LMO7: variants seen among roughly 807,000 people sequenced by gnomAD.
LMO7 encodes LIM domain only protein 7.
LMO7 carries 120 observed loss-of-function variants against 206.5 expected under a neutral mutation model. That is an observed-to-expected ratio of 0.58 (90% CI 0.50 to 0.68). LMO7 has a LOEUF of 0.68. Ranked by LOEUF, LMO7 falls within the 30% of genes least tolerant of loss-of-function variation. LMO7 has a pLI of 0.00. For missense variants in LMO7, 1,959 were observed against 1,957.9 expected, an observed-to-expected ratio of 1.00 and a Z score of -0.01; for synonymous variants, 706 against 681.5, an observed-to-expected ratio of 1.04 and a Z score of -0.56.
chr13:75,690,680 T>C (rs949035874), intron 1 of LMO7, among the ~76,000 whole-genome samples: 1 of 152,218 alleles, frequency 6.6e-6, no homozygotes, highest in East Asian at 1.9e-4. Context: ...AAAGCTTATA[T>C]TCCAGTAAAA....
At position 75,734,486 on chromosome 13, in the gene LMO7, C is replaced by G. The variant is rs374239024; in HGVS notation, c.210+7388C>G. Reference sequence around the variant, plus strand: ...TGCTGTTTATAGTGCATTCAGGAAGCTTCTGTTTGACCATTCATGTGTTTA... The same window carrying G: ...TGCTGTTTATAGTGCATTCAGGAAGGTTCTGTTTGACCATTCATGTGTTTA... On this transcript the variant is annotated intron_variant, in intron 3 of 30. Transcript: ENST00000377534. Among the ~76,000 whole-genome samples, 19 of 152,252 alleles carry G rather than the reference C, an allele frequency of 1.2e-4. 1 individual carries two copies. In the South Asian group the frequency reaches 3.9e-3, roughly 32 times the overall value.
chr13:75,840,143 G>A (rs748952581), intron 21 of LMO7, 33 bp downstream of exon 21: 1 of 1,608,098 alleles, frequency 6.2e-7, no homozygotes, highest in Non-Finnish European at 8.5e-7. Flanking sequence ...TTGGAATAAG[G>A]TGAACTTGGT....
intron 3 of LMO7, among the ~76,000 whole-genome samples, chr13:75,737,797 A>AAAC (rs2046033962): frequency 1.5e-5 from 2 of 134,412 alleles, no homozygotes; most frequent in Non-Finnish European, 3.2e-5. Flanking sequence ...AAAAAAAAAA[A>AAAC]AAAACTTTTT....
intron 1 of LMO7, among the ~76,000 whole-genome samples, chr13:75,652,312 C>G (rs759468838): frequency 6.6e-6 from 1 of 152,146 alleles, no homozygotes; most frequent in Non-Finnish European, 1.5e-5. Flanking sequence ...TACTACCTTT[C>G]CCTACCCATA....
chr13:75,804,650 A>C lies in LMO7; in HGVS notation c.914+109A>C, dbSNP rs540701998. 3.1e-6 allele frequency: 4 copies of C among 1,293,670 alleles called. No individual in the cohort carries two copies. In the South Asian group the frequency reaches 4.7e-5, roughly 15 times the overall value. 80.1% of individuals were successfully genotyped at this position (1,293,670 alleles called of 1,614,324 possible). On this transcript the variant is annotated intron_variant, in intron 8 of 30. Coordinates refer to ENST00000377534, the MANE Select transcript of LMO7 (RefSeq NM_001306080.2). ...AAATGTGTTTCATAGATCATATATT[A>C]AGCTTGACTAGTGAGAATATTTTTC...
At chr13:75,847,432 A>G (rs896930193) in intron 26 of LMO7, among the ~76,000 whole-genome samples, 12 of 152,212 alleles carry the variant, frequency 7.9e-5, no homozygotes, top group Admixed American at 7.2e-4. Flanking sequence ...AGTAACATTT[A>G]TGGATGATTA....
chr13:75,800,630 AT>A, intron 6 of LMO7, 53 bp from the exon 7 acceptor site: 5 of 1,502,038 alleles, frequency 3.3e-6, no homozygotes, highest in Non-Finnish European at 3.7e-6. Context: ...CCGATTGATT[AT>A]ATTTTTTGGA....
intron 1 of LMO7, among the ~76,000 whole-genome samples, chr13:75,706,315 A>C (rs1260816018): frequency 1.3e-5 from 2 of 152,170 alleles, no homozygotes; most frequent in Non-Finnish European, 2.9e-5. Context: ...TCCTGCTATA[A>C]AATTGTGCTT....
At chr13:75,782,719 G>A (rs965369175) in intron 4 of LMO7, among the ~76,000 whole-genome samples, 1 of 152,156 alleles carries the variant, frequency 6.6e-6, no homozygotes, top group African/African-American at 2.4e-5. Flanking sequence ...GTCTCTTCTA[G>A]GGATAGCCAA....
chr13:75,654,653 G>T (rs2139178825), intron 1 of LMO7, among the ~76,000 whole-genome samples: 1 of 152,232 alleles, frequency 6.6e-6, no homozygotes, highest in South Asian at 2.1e-4. Flanking sequence ...CTGTCATTAG[G>T]TCTGGACTGA....
In LMO7 at chr13:75,639,567, G is replaced by T. The variant is rs569352549; in HGVS notation, c.69+2841G>T. The stretch of plus-strand genomic sequence containing the variant: ...AGGCTACGCAGTGGCTGATGAAGTG[G>T]TGGAAAATACAGCCTGGACTCTAAT... On this transcript the variant is annotated intron_variant, in intron 1 of 30. Transcript: ENST00000377534. Among the ~76,000 whole-genome samples the T allele has an allele frequency of 1.8e-3, 276 of 152,072 alleles. 2 individuals are homozygous for T. The highest frequency in any genetic ancestry group is 6.3e-3 in the African/African-American group (263 of 41,466).
At chr13:75,688,076 T>C (rs1432370471) in intron 1 of LMO7, among the ~76,000 whole-genome samples, 1 of 152,210 alleles carries the variant, frequency 6.6e-6, no homozygotes, top group Non-Finnish European at 1.5e-5. Flanking sequence ...TTCTCCTCCT[T>C]TGCCTTCCAC....
At chr13:75,633,685 G>A (rs61958090), upstream of LMO7, among the ~76,000 whole-genome samples, 24 of 152,224 alleles carry the variant, frequency 1.6e-4, no homozygotes, top group Admixed American at 5.2e-4. Flanking sequence ...GCAATGGGTG[G>A]TCATGGATTG....
intron 1 of LMO7, among the ~76,000 whole-genome samples, chr13:75,660,675 C>T (rs1185876021): frequency 1.3e-5 from 2 of 152,136 alleles, no homozygotes; most frequent in African/African-American, 4.8e-5. Flanking sequence ...TTACCAGAGG[C>T]TTGGGGCTTC....
Position 75,853,291 on chromosome 13 carries a change from G to C in LMO7, c.4564G>C (p.Val1522Leu), listed in dbSNP as rs763384398. The C allele has an allele frequency of 3.1e-6, 5 of 1,613,966 alleles. No homozygotes were observed. The South Asian group carries it at 3.3e-5, about 11-fold the overall frequency. The change falls in exon 28 of 31, where the codon GTG (valine) becomes CTG (leucine). Residue 1522 changes from valine to leucine, a missense_variant. By Grantham distance (32) the Val-to-Leu change is conservative. Transcript: ENST00000377534. ...SSVPPPSAGS[V>L]KTSTTGVATT... ...CGTGCCCCCACCTTCAGCTGGCTCCGTGAAGACCTCCACCACAGGTGTGGC... is the reference window on the plus strand; with the variant it reads ...CGTGCCCCCACCTTCAGCTGGCTCCCTGAAGACCTCCACCACAGGTGTGGC...
intron 4 of LMO7, among the ~76,000 whole-genome samples, chr13:75,787,592 TTAAG>T (rs1253023313): frequency 6.0e-5 from 9 of 150,810 alleles, no homozygotes; most frequent in Admixed American, 4.6e-4. Context: ...TTTTTCTCAA[TTAAG>T]TAAGTACAGA....
Position 75,644,139 on chromosome 13 carries a change from G to GT in LMO7, c.69+7423dup, listed in dbSNP as rs113811916. 4.2e-3 allele frequency among the ~76,000 whole-genome samples: 620 copies of GT among 148,168 alleles called. 4 individuals are homozygous for GT. Among genetic ancestry groups the GT allele is most frequent in the African/African-American group, 9.7e-3 (391 of 40,390 alleles). ...ATAGCGAGTTACCTGCTAGTGAAGT[G>GT]TTTTTTTTTTAAGAGAAGCTGAAAA... On this transcript the variant is annotated intron_variant, in intron 1 of 30. Coordinates refer to ENST00000377534, the MANE Select transcript of LMO7 (RefSeq NM_001306080.2).
intron 6 of LMO7, among the ~76,000 whole-genome samples, chr13:75,798,977 T>TA (rs1480023915): frequency 6.6e-6 from 1 of 152,190 alleles, no homozygotes; most frequent in Non-Finnish European, 1.5e-5. Context: ...CGCTTAAATT[T>TA]AAAAAAATCT....
chr13:75,762,235 G>A (rs577789054), intron 4 of LMO7, among the ~76,000 whole-genome samples: 57 of 152,190 alleles, frequency 3.7e-4, no homozygotes, highest in African/African-American at 1.3e-3. Flanking sequence ...CTGACTAATC[G>A]AAAGATAGTT....
Sources: allele counts gnomAD v4.1 joint callset (sites outside exome capture counted in the v4.1 genomes callset), GRCh38; gene constraint gnomAD v4.1.1; transcripts MANE v1.5; gene names NCBI Gene and HGNC (gene_info 2026-07-23, HGNC 2026-07-21).